MUC5B: variants seen among roughly 807,000 people sequenced by gnomAD.
MUC5B encodes mucin-5B.
MUC5B carries 116 observed loss-of-function variants against 376.9 expected under a neutral mutation model. That is an observed-to-expected ratio of 0.31 (90% CI 0.26 to 0.36). MUC5B has a LOEUF of 0.36. Ranked by LOEUF, MUC5B falls within the 10% of genes least tolerant of loss-of-function variation. The pLI, the probability that MUC5B is intolerant of heterozygous loss-of-function variation, is 1.00. For missense variants in MUC5B, 7,165 were observed against 7,769.9 expected (o/e 0.92, Z 2.93); for synonymous variants, 3,517 against 3,390.9 (o/e 1.04, Z -1.29).
chr11:1,250,511 C>T lies in MUC5B; in HGVS notation c.13631C>T (p.Thr4544Met), dbSNP rs200232123. 6,813 of 1,612,656 alleles carry T rather than the reference C, an allele frequency of 4.2e-3. 216 individuals are homozygous for T. In the African/African-American group the frequency reaches 0.081, roughly 19 times the overall value. Residue 4544 changes from threonine to methionine, a missense_variant, in exon 31 of 49, where the codon ACG (threonine) becomes ATG (methionine). Around this residue, in one of 31 missense-constraint regions of MUC5B, gnomAD observed 4 missense variants for 19.3 expected, o/e 0.21. Transcript: ENST00000529681. ...CGCCTATCACAGACCACCACACCCACGGCCACCATGTCCACAGCCACACCC... is the reference window on the plus strand; with the variant it reads ...CGCCTATCACAGACCACCACACCCATGGCCACCATGTCCACAGCCACACCC... ...WTRLSQTTTP[T>M]ATMSTATPSS... is the part of the protein sequence containing the mutation.
At position 1,255,089 on chromosome 11, in the gene MUC5B, C is replaced by A; in HGVS notation, c.15713C>A (p.Thr5238Asn). 6.3e-7 allele frequency: 1 copy of A among 1,594,354 alleles called. No individual in the cohort carries two copies. ...QRDDCLQRDG[T>N]TAASCKDMAK... ...GACGACTGTCTCCAGCGGGACGGAA[C>A]CACTGCCGCCAGTTGCAAGGACATG... The change falls in exon 36 of 49, where the codon ACC (threonine) becomes AAC (asparagine). Residue 5238 changes from threonine (T) to asparagine (N), a missense_variant. Thr to Asn is a moderately conservative substitution (Grantham distance 65, BLOSUM62 0). Coordinates refer to ENST00000529681, the MANE Select transcript of MUC5B (RefSeq NM_002458.3).
intron 13 of MUC5B, 61 bp downstream of exon 13, chr11:1,231,066 C>T: frequency 2.7e-6 from 4 of 1,479,094 alleles, no homozygotes; most frequent in Non-Finnish European, 3.7e-6. Context: ...GCAGCTCCCA[C>T]AGCCTGGGCA....
Position 1,240,191 on chromosome 11 carries a change from C to T in MUC5B, c.3786C>T (p.Thr1262=), listed in dbSNP as rs1277221770. 1 of 1,603,418 alleles carries T rather than the reference C, an allele frequency of 6.2e-7. No homozygotes were observed. Among genetic ancestry groups the T allele is most frequent in the African/African-American group, 1.3e-5 (1 of 74,862 alleles). ...CTCCATCCCCAGCCTGCACCTGCAC[C>T]TATGAGGACAGGACCTACAGCTACC... is the stretch of plus-strand genomic sequence containing the variant. ...CAHSLEACTC[T]YEDRTYSYQD... is the part of the protein sequence containing the mutation. Residue 1262 remains threonine, a synonymous_variant, in exon 30 of 49, where the codon ACC becomes ACT. Transcript: ENST00000529681.
chr11:1,249,863 C>G lies in MUC5B; in HGVS notation c.12983C>G (p.Ser4328Cys). Residue 4328 changes from serine to cysteine, a missense_variant, in exon 31 of 49, where the codon TCC (serine) becomes TGC (cysteine). Physicochemically the swap from Ser to Cys is moderately radical, Grantham distance 112. Transcript: ENST00000529681. ...GCTACCAGCGTTACACCCATCCCCT[C>G]CTCCACCCTTGGGACCACCGGGACC... ...STATSVTPIP[S>C]STLGTTGTLP... is the part of the protein sequence containing the mutation. 1 of 1,613,636 alleles carries G rather than the reference C, an allele frequency of 6.2e-7. No homozygotes were observed. Among genetic ancestry groups the G allele is most frequent in the Non-Finnish European group, 8.5e-7 (1 of 1,179,806 alleles).
chr11:1,252,873 T>C lies in MUC5B; in HGVS notation c.15110T>C (p.Val5037Ala), dbSNP rs1204064049. The C allele has an allele frequency of 6.2e-7, 1 of 1,612,484 alleles. No individual in the cohort carries two copies. Among genetic ancestry groups the C allele is most frequent in the Non-Finnish European group, 8.5e-7 (1 of 1,179,834 alleles). The change falls in exon 33 of 49, where the codon GTC (valine) becomes GCC (alanine). Residue 5037 changes from valine to alanine, a missense_variant. Val to Ala is a moderately conservative substitution (Grantham distance 64). Around this residue, in one of 31 missense-constraint regions of MUC5B, gnomAD observed 842 missense variants for 1,016.9 expected, o/e 0.83. Coordinates refer to ENST00000529681, the MANE Select transcript of MUC5B (RefSeq NM_002458.3). ...AGGTGCGTGGGTGACAACCGTGTCGTCCTGCTGGACCCAAAGCCTGTGGCC... is the reference window on the plus strand; with the variant it reads ...AGGTGCGTGGGTGACAACCGTGTCGCCCTGCTGGACCCAAAGCCTGTGGCC... ...VARCVGDNRV[V>A]LLDPKPVANV...
chr11:1,240,016 C>A, intron 28 of MUC5B, 29 bp from the exon 29 acceptor site: 1 of 1,592,012 alleles, frequency 6.3e-7, no homozygotes. Flanking sequence ...GCCCCCCAGG[C>A]CCTCAGCTCG....
Position 1,247,388 on chromosome 11 carries a change from A to C in MUC5B, c.10508A>C (p.Gln3503Pro). 1 of 1,609,570 alleles carries C rather than the reference A, an allele frequency of 6.2e-7. No individual in the cohort carries two copies. The highest frequency in any genetic ancestry group is 8.5e-7 in the Non-Finnish European group (1 of 1,178,886). Residue 3503 changes from glutamine to proline, a missense_variant, in exon 31 of 49, where the codon CAG becomes CCG. Around this residue, in one of 31 missense-constraint regions of MUC5B, gnomAD observed 939 missense variants for 770.6 expected, o/e 1.22. Coordinates refer to ENST00000529681, the MANE Select transcript of MUC5B (RefSeq NM_002458.3). ...HTPAATTSTT[Q>P]HSTPALSSPH... ...CCAGCAGCAACCACCAGTACCACCC[A>C]GCACTCGACTCCAGCCCTGTCCAGC...
intron 31 of MUC5B, 23 bp downstream of exon 31, chr11:1,251,766 G>T: frequency 1.3e-6 from 2 of 1,493,584 alleles, no homozygotes; most frequent in Non-Finnish European, 1.8e-6. Flanking sequence ...GGATAACACT[G>T]CTGTACCCTT....
At position 1,242,684 on chromosome 11, in the gene MUC5B, C is replaced by T. The variant is rs761854624; in HGVS notation, c.5804C>T (p.Pro1935Leu). Reference protein sequence around the residue: ...TPTSTLRTAPPPKVLTTTATT... With the variant: ...TPTSTLRTAPLPKVLTTTATT... ...ACCTCCACCCTGAGAACAGCTCCCC[C>T]TCCCAAAGTGCTGACCACCACGGCC... Residue 1935 changes from proline (P) to leucine (L), a missense_variant, in exon 31 of 49, where the codon CCT (proline) becomes CTT (leucine). Physicochemically the swap from Pro to Leu is moderately conservative, Grantham distance 98. This residue lies in a region of MUC5B where 897 missense variants were observed against 779.6 expected (regional missense o/e 1.15). Coordinates refer to ENST00000529681, the MANE Select transcript of MUC5B (RefSeq NM_002458.3). 6.2e-7 allele frequency: 1 copy of T among 1,613,648 alleles called. No homozygotes were observed. Among genetic ancestry groups the T allele is most frequent in the Admixed American group, 1.7e-5 (1 of 59,978 alleles).
chr11:1,229,720 G>T lies in MUC5B; in HGVS notation c.1133G>T (p.Gly378Val). The T allele has an allele frequency of 6.3e-7, 1 of 1,590,868 alleles. No individual in the cohort carries two copies. Residue 378 changes from glycine (G) to valine (V), a missense_variant, in exon 10 of 49, where the codon GGC (glycine) becomes GTC (valine). Coordinates refer to ENST00000529681, the MANE Select transcript of MUC5B (RefSeq NM_002458.3). ...GTGCTGGATGACATCACGCACTCTG[G>T]CTGCCTGCCCCTCGGGCAGTGCCCC... ...GTVLDDITHS[G>V]CLPLGQCPCT...
rs1259706890 is a variant in MUC5B at position 1,237,034 on chromosome 11, A to G, written c.3167A>G (p.Lys1056Arg). The change falls in exon 25 of 49, where the codon AAG (lysine) becomes AGG (arginine). Residue 1056 changes from lysine (K) to arginine (R), a missense_variant. By Grantham distance (26) the Lys-to-Arg change is conservative (BLOSUM62 2). Transcript: ENST00000529681. ...GDALEFGNSW[K>R]LSPSCPDALA... ...GCACTGGAGTTTGGGAACAGCTGGA[A>G]GCTCTCCCCCTCCTGCCCGGACGCC... 2.5e-6 allele frequency: 4 copies of G among 1,578,296 alleles called. No homozygotes were observed. Among genetic ancestry groups the G allele is most frequent in the Non-Finnish European group, 3.4e-6 (4 of 1,161,904 alleles).
chr11:1,262,118 AG>A lies in MUC5B; in HGVS notation c.*511del. The A allele has an allele frequency of 1.9e-6, 1 of 518,904 alleles. No individual in the cohort carries two copies. Among genetic ancestry groups the A allele is most frequent in the Non-Finnish European group, 4.0e-6 (1 of 251,246 alleles). The allele number at this position is 518,904 out of a possible 1,614,324, so 32.1% of individuals were successfully genotyped here. ...GGTCAGAGAGGGGTCAGCATCCCAAAGCCCCCTCTGCTCAACCCAGCCCAGT... is the reference window on the plus strand; with the variant it reads ...GGTCAGAGAGGGGTCAGCATCCCAAACCCCCTCTGCTCAACCCAGCCCAGT... On this transcript the variant is annotated 3_prime_UTR_variant, in exon 49 of 49. Coordinates refer to ENST00000529681, the MANE Select transcript of MUC5B (RefSeq NM_002458.3).
At position 1,240,338 on chromosome 11, in the gene MUC5B, C is replaced by T. The variant is rs768130429; in HGVS notation, c.3933C>T (p.Phe1311=). Residue 1311 remains phenylalanine, a synonymous_variant, in exon 30 of 49, where the codon TTC becomes TTT. Transcript: ENST00000529681. The part of the protein sequence containing the change: ...ACPGTPATTP[F]TFTTAWVPHS... The stretch of plus-strand genomic sequence containing the variant: ...CTGGAACTCCAGCCACAACGCCATT[C>T]ACCTTCACCACCGCCTGGGTCCCCC... 1.1e-5 allele frequency: 18 copies of T among 1,607,518 alleles called. No individual in the cohort carries two copies. In the South Asian group the frequency reaches 2.0e-4, roughly 18 times the overall value.
rs1298564425 is a variant in MUC5B, at chr11:1,257,012, CCCCTGAG to C, written c.16238-222_16238-216del. 6.6e-6 allele frequency among the ~76,000 whole-genome samples: 1 copy of C among 152,158 alleles called. No individual in the cohort carries two copies. The highest frequency in any genetic ancestry group is 2.4e-5 in the African/African-American group (1 of 41,436). On this transcript the variant is annotated intron_variant, in intron 39 of 48. Transcript: ENST00000529681. This position sits in a 1 kb window ranked among gnomAD's most constrained non-coding sequence, Gnocchi z 8.9. Reference sequence around the variant, plus strand: ...CTTGAGTGATCCTGTGATGGTCCCTCCCCTGAGCCCTGCCTCCCACCACCATGGACGA... The same window carrying C: ...CTTGAGTGATCCTGTGATGGTCCCTCCCCTGCCTCCCACCACCATGGACGA...
In MUC5B at chr11:1,244,266, C is replaced by G; in HGVS notation, c.7386C>G (p.Thr2462=). The G allele has an allele frequency of 5.0e-6, 8 of 1,609,102 alleles. No individual in the cohort carries two copies. Among genetic ancestry groups the G allele is most frequent in the Non-Finnish European group, 6.8e-6 (8 of 1,177,942 alleles). The change falls in exon 31 of 49, where the codon ACC becomes ACG. Residue 2462 remains threonine, a synonymous_variant. Transcript: ENST00000529681. ...TATPSSTPGT[T]WILTEPSTTA... ...CCCCGTCCTCCACCCCAGGGACCAC[C>G]TGGATCCTCACAGAGCCGAGCACTA...
intron 13 of MUC5B, 50 bp downstream of exon 13, chr11:1,231,055 G>A (rs749393927): frequency 6.6e-7 from 1 of 1,511,108 alleles, no homozygotes; most frequent in Admixed American, 2.0e-5. Context: ...TGCTTGCAGG[G>A]GCAGCTCCCA....
Position 1,258,307 on chromosome 11 carries a change from G to A in MUC5B, c.16556-23G>A. 1 of 1,611,252 alleles carries A rather than the reference G, an allele frequency of 6.2e-7. No individual in the cohort carries two copies. The highest frequency in any genetic ancestry group is 8.5e-7 in the Non-Finnish European group (1 of 1,179,258). On this transcript the variant is annotated intron_variant, in intron 42 of 48. Transcript: ENST00000529681. The surrounding 1 kb of genome is among the most constrained non-coding windows in gnomAD (Gnocchi z 5.5). ...CACATGCTCCCCACCACTTGTCGAG[G>A]GCTTAGCTCCCTTTCCTTCCAGGAC...
rs370387598 is a variant in MUC5B at position 1,251,736 on chromosome 11, C to T, written c.14856C>T (p.Phe4952=). 101 of 1,592,902 alleles carry T rather than the reference C, an allele frequency of 6.3e-5. No homozygotes were observed. The African/African-American group carries it at 1.1e-3, about 17-fold the overall frequency. ...TCTGCAGGGCATTTGGACAGTTTTT[C>T]TCGCCCGGTGAGTGCATGTGGATAA... ...PCFCRAFGQF[F]SPGEVIYNKT... The change falls in exon 31 of 49, where the codon TTC becomes TTT. Residue 4952 remains phenylalanine (F), a synonymous_variant. Transcript: ENST00000529681.
In MUC5B at chr11:1,258,273, G is replaced by A. The variant is rs1862898572; in HGVS notation, c.16556-57G>A. ...GGTGGGGGAGTGCAGGATGGTGGGG[G>A]CGCTGGAGCACATGCTCCCCACCAC... On this transcript the variant is annotated intron_variant, in intron 42 of 48. Coordinates refer to ENST00000529681, the MANE Select transcript of MUC5B (RefSeq NM_002458.3). The surrounding 1 kb of genome is among the most constrained non-coding windows in gnomAD (Gnocchi z 5.5). The A allele has an allele frequency of 6.3e-7, 1 of 1,593,630 alleles. No homozygotes were observed. Among genetic ancestry groups the A allele is most frequent in the Admixed American group, 1.7e-5 (1 of 57,420 alleles).
Sources: gnomAD v4.1 joint callset for allele counts (sites outside exome capture counted in the v4.1 genomes callset) on GRCh38, gnomAD v4.1.1 for gene constraint, gnomAD v4.1.1 regional missense constraint, Gnocchi (gnomAD v3.1) non-coding constraint, MANE v1.5 for transcripts, NCBI Gene and HGNC (gene_info 2026-07-23, HGNC 2026-07-21) for gene names.